Variants in MDGA2 observed in about 807,000 individuals in gnomAD.
The protein encoded by MDGA2 is MAM domain containing glycosylphosphatidylinositol anchor 2.
In MDGA2, 40 loss-of-function variants were observed where a neutral mutation model predicts 117.8. The observed-to-expected ratio is 0.34, with a 90% CI of 0.26 to 0.44. The LOEUF (loss-of-function observed/expected upper bound fraction) is 0.44, where lower values mean the gene tolerates loss of function less well. Among genes scored for constraint, MDGA2 ranks in the 20% least tolerant of loss-of-function variants. The pLI, the probability that MDGA2 is intolerant of heterozygous loss-of-function variation, is 1.00. For synonymous variants in MDGA2, 452 were observed against 439.0 expected, an observed-to-expected ratio of 1.03 and a Z score of -0.37; for missense variants, 1,123 against 1,250.6, an observed-to-expected ratio of 0.90 and a Z score of 1.54.
chr14:47,553,727 T>C (rs1046353500), intron 1 of MDGA2, among the ~76,000 whole-genome samples: 1 of 122,552 alleles, frequency 8.2e-6, no homozygotes, highest in Non-Finnish European at 1.7e-5. Context: ...AAAACAATAC[T>C]ATAGGATATA....
Position 47,028,609 on chromosome 14 carries a change from C to T in MDGA2, c.1819+6402G>A, listed in dbSNP as rs145292674. On this transcript the variant is annotated intron_variant, in intron 8 of 16. Transcript: ENST00000399232. ...GGAGCTATCAATAAAGATCTTTCGT[C>T]ATCACCAAGAGGCAGTATAGAGGGT... Among the ~76,000 whole-genome samples the T allele has an allele frequency of 5.5e-3, 838 of 152,216 alleles. 5 individuals carry two copies. The highest frequency in any genetic ancestry group is 8.2e-3 in the Non-Finnish European group (560 of 68,002).
At chr14:47,644,646 A>G (rs1441409247) in intron 1 of MDGA2, among the ~76,000 whole-genome samples, 1 of 152,048 alleles carries the variant, frequency 6.6e-6, no homozygotes, top group Non-Finnish European at 1.5e-5. Context: ...CTATTGCACA[A>G]CAGGGTGAAG....
At chr14:47,417,387 C>A (rs988254151) in intron 1 of MDGA2, among the ~76,000 whole-genome samples, 1 of 152,148 alleles carries the variant, frequency 6.6e-6, no homozygotes, top group Admixed American at 6.5e-5. Flanking sequence ...ACAAGGATCA[C>A]CTTTCCTCAA....
intron 14 of MDGA2, among the ~76,000 whole-genome samples, chr14:46,858,428 C>CTTTTTTTTTTTTT (rs71112466): frequency 3.2e-5 from 4 of 123,830 alleles, no homozygotes; most frequent in African/African-American, 6.5e-5. Context: ...TTCTTTTTTT[C>CTTTTTTTTTTTTT]TTTTTTTTTT....
chr14:47,501,296 G>A (rs963748113), intron 1 of MDGA2, among the ~76,000 whole-genome samples: 7 of 152,108 alleles, frequency 4.6e-5, no homozygotes, highest in African/African-American at 1.7e-4. Context: ...CTAAAAAAGA[G>A]GATGAGATAG....
chr14:47,601,529 T>C (rs1896648123), intron 1 of MDGA2, among the ~76,000 whole-genome samples: 1 of 152,178 alleles, frequency 6.6e-6, no homozygotes, highest in Admixed American at 6.6e-5. Flanking sequence ...TTTCTGTTAC[T>C]AGTGTAGGAT....
chr14:46,896,672 T>C (rs1883089833), intron 10 of MDGA2, among the ~76,000 whole-genome samples: 2 of 152,122 alleles, frequency 1.3e-5, no homozygotes, highest in African/African-American at 4.8e-5. Flanking sequence ...TCAAGCTCTC[T>C]ATACGTTTTC....
chr14:47,076,560 ATGTGTGTGTG>A (rs145260703), intron 6 of MDGA2, among the ~76,000 whole-genome samples: 2,964 of 147,146 alleles, frequency 0.02, 101 homozygotes, highest in African/African-American at 0.07. Flanking sequence ...AGTGTGTGTT[ATGTGTGTGTG>A]TGTGTGTGTG....
intron 7 of MDGA2, among the ~76,000 whole-genome samples, chr14:47,054,969 G>C (rs1029449462): frequency 2.1e-5 from 3 of 145,236 alleles, no homozygotes; most frequent in African/African-American, 7.6e-5. Context: ...ATAAAATATT[G>C]CTTGTCCCCG....
intron 1 of MDGA2, among the ~76,000 whole-genome samples, chr14:47,450,976 G>A (rs1893229784): frequency 6.6e-6 from 1 of 152,062 alleles, no homozygotes; most frequent in Admixed American, 6.6e-5. Context: ...ACTCTTCTGA[G>A]AGAGATGACA....
At chr14:47,337,015 C>T (rs1402939738) in intron 1 of MDGA2, among the ~76,000 whole-genome samples, 2 of 151,876 alleles carry the variant, frequency 1.3e-5, no homozygotes, top group South Asian at 2.1e-4. Flanking sequence ...TGTATCTGTA[C>T]CTGCCTTCTT....
chr14:47,298,888 A>G (rs185811653), intron 2 of MDGA2, among the ~76,000 whole-genome samples: 247 of 151,850 alleles, frequency 1.6e-3, no homozygotes, highest in African/African-American at 3.4e-3. Context: ...GGGTTTCACC[A>G]CGTTAGCCAG....
intron 8 of MDGA2, among the ~76,000 whole-genome samples, chr14:47,034,460 T>C (rs1000591385): frequency 6.6e-6 from 1 of 152,154 alleles, no homozygotes; most frequent in African/African-American, 2.4e-5. Context: ...TATCACTATA[T>C]TACTAGATAA....
At chr14:47,112,272 A>G (rs780794599) in intron 5 of MDGA2, among the ~76,000 whole-genome samples, 13 of 152,228 alleles carry the variant, frequency 8.5e-5, no homozygotes, top group Non-Finnish European at 1.8e-4. Context: ...TCTGGGATAC[A>G]TGTGCAGGAC....
chr14:46,850,348 G>A (rs1881009736), intron 15 of MDGA2, among the ~76,000 whole-genome samples: 2 of 151,828 alleles, frequency 1.3e-5, no homozygotes, highest in South Asian at 2.1e-4. Flanking sequence ...CATGAATCAC[G>A]AATGTGTAAA....
At chr14:46,983,569 A>C (rs1317012121) in intron 8 of MDGA2, among the ~76,000 whole-genome samples, 2 of 152,188 alleles carry the variant, frequency 1.3e-5, no homozygotes, top group South Asian at 4.1e-4. Flanking sequence ...ATTAAAAATT[A>C]AATGACATAC....
intron 10 of MDGA2, among the ~76,000 whole-genome samples, chr14:46,898,671 T>C (rs1293564629): frequency 6.6e-6 from 1 of 152,078 alleles, no homozygotes; most frequent in Non-Finnish European, 1.5e-5. Flanking sequence ...GTGTGTTGGC[T>C]CCTTTAAAGA....
chr14:47,044,421 G>C (rs1889185134), intron 7 of MDGA2, among the ~76,000 whole-genome samples: 1 of 152,110 alleles, frequency 6.6e-6, no homozygotes. Flanking sequence ...TCCTCAATCA[G>C]CAGTAAAGGA....
chr14:46,846,328 C>G (rs916394488), intron 15 of MDGA2, among the ~76,000 whole-genome samples: 1 of 151,932 alleles, frequency 6.6e-6, no homozygotes, highest in Non-Finnish European at 1.5e-5. Flanking sequence ...TATTGAAGCC[C>G]GGAACAAAGT....
Sources: gnomAD v4.1 joint callset for allele counts (sites outside exome capture counted in the v4.1 genomes callset) on GRCh38, gnomAD v4.1.1 for gene constraint, MANE v1.5 for transcripts, NCBI Gene and HGNC (gene_info 2026-07-23, HGNC 2026-07-21) for gene names.